Variants in KCNB2 observed in about 807,000 individuals in gnomAD.
KCNB2 encodes the protein potassium voltage-gated channel subfamily B member 2, also known as delayed rectifier potassium channel protein.
KCNB2 carries 15 observed loss-of-function variants against 61.5 expected under a neutral mutation model. That is an observed-to-expected ratio of 0.24 (90% CI 0.16 to 0.38). The LOEUF is 0.38. Among genes scored for constraint, KCNB2 ranks in the 10% least tolerant of loss-of-function variants. KCNB2 has a pLI of 1.00. For synonymous variants in KCNB2, 457 were observed against 446.0 expected (o/e 1.02, Z -0.31); for missense variants, 828 against 1,125.2 (o/e 0.74, Z 3.78).
intron 2 of KCNB2, among the ~76,000 whole-genome samples, chr8:72,699,354 G>C (rs1218894181): frequency 6.6e-6 from 1 of 152,034 alleles, no homozygotes; most frequent in Non-Finnish European, 1.5e-5. Context: ...GTGATGATGA[G>C]CTTTTTTTCA....
chr8:72,820,590 G>A (rs1380287914), intron 2 of KCNB2, among the ~76,000 whole-genome samples: 1 of 146,924 alleles, frequency 6.8e-6, no homozygotes, highest in Non-Finnish European at 1.5e-5. Context: ...TTTTTTTTTT[G>A]CTCTGTGACA....
intron 2 of KCNB2, among the ~76,000 whole-genome samples, chr8:72,630,066 GTATGCTGGAA>G (rs1194330319): frequency 1.3e-5 from 2 of 152,130 alleles, no homozygotes; most frequent in Non-Finnish European, 2.9e-5. Flanking sequence ...ATAACCAGTT[GTATGCTGGAA>G]TTGACTCACA....
intron 2 of KCNB2, among the ~76,000 whole-genome samples, chr8:72,609,241 C>T (rs55676924): frequency 0.028 from 4,209 of 152,290 alleles, 205 homozygotes; most frequent in African/African-American, 0.097. Flanking sequence ...CTCACACACA[C>T]ATGCACTCTC....
intron 2 of KCNB2, among the ~76,000 whole-genome samples, chr8:72,688,247 CG>C (rs1563559957): frequency 6.6e-6 from 1 of 152,138 alleles, no homozygotes; most frequent in Non-Finnish European, 1.5e-5. Flanking sequence ...TTAAAAAATC[CG>C]AGAGCCCTTT....
intron 2 of KCNB2, among the ~76,000 whole-genome samples, chr8:72,839,461 A>T (rs1053505608): frequency 6.6e-6 from 1 of 152,196 alleles, no homozygotes; most frequent in Non-Finnish European, 1.5e-5. Context: ...AGCAGAGTCT[A>T]ATAACGAAAC....
At chr8:72,662,103 A>G (rs185603044) in intron 2 of KCNB2, among the ~76,000 whole-genome samples, 3 of 152,272 alleles carry the variant, frequency 2.0e-5, no homozygotes, top group Admixed American at 1.3e-4. Context: ...TAAACTTCCA[A>G]TGATTAAACA....
intron 2 of KCNB2, among the ~76,000 whole-genome samples, chr8:72,694,064 A>G (rs908156465): frequency 6.6e-6 from 1 of 152,226 alleles, no homozygotes; most frequent in African/African-American, 2.4e-5. Flanking sequence ...GCATTTTAAT[A>G]TTATCTGCTG....
At chr8:72,641,813 A>G (rs1203598808) in intron 2 of KCNB2, among the ~76,000 whole-genome samples, 1 of 152,132 alleles carries the variant, frequency 6.6e-6, no homozygotes, top group Non-Finnish European at 1.5e-5. Flanking sequence ...GATCAATAAC[A>G]TACTGTATAT....
At chr8:72,702,804 T>C (rs1807155763) in intron 2 of KCNB2, among the ~76,000 whole-genome samples, 1 of 152,190 alleles carries the variant, frequency 6.6e-6, no homozygotes, top group South Asian at 2.1e-4. Flanking sequence ...GCTGCTATTA[T>C]ACCTTAGAAG....
chr8:72,846,935 G>A (rs1810005858), intron 2 of KCNB2, among the ~76,000 whole-genome samples: 1 of 152,140 alleles, frequency 6.6e-6, no homozygotes, highest in Non-Finnish European at 1.5e-5. Flanking sequence ...TATAAATCAT[G>A]CTGCTATAAA....
In KCNB2 at chr8:72,705,350, C is replaced by T. The variant is rs138320438; in HGVS notation, c.579+137037C>T. Among the ~76,000 whole-genome samples, 296 of 152,306 alleles carry T rather than the reference C, an allele frequency of 1.9e-3. 3 individuals carry two copies. The highest frequency in any genetic ancestry group is 6.6e-3 in the African/African-American group (276 of 41,570). ...AGTTATCTTGTCCTGATTTTACATG[C>T]AGGAACCATCTCCCATCCATTAACT... On this transcript the variant is annotated intron_variant, in intron 2 of 2. Coordinates refer to ENST00000523207, the MANE Select transcript of KCNB2 (RefSeq NM_004770.3).
intron 2 of KCNB2, among the ~76,000 whole-genome samples, chr8:72,901,434 G>A (rs995944982): frequency 9.2e-5 from 14 of 152,180 alleles, no homozygotes; most frequent in African/African-American, 3.1e-4. Context: ...AAAAAAGAAT[G>A]TATATAGATT....
intron 1 of KCNB2, among the ~76,000 whole-genome samples, chr8:72,545,743 G>T (rs1204124498): frequency 6.6e-6 from 1 of 152,170 alleles, no homozygotes; most frequent in Non-Finnish European, 1.5e-5. Context: ...AGTGAGGAAG[G>T]TATATTGAAA....
intron 2 of KCNB2, among the ~76,000 whole-genome samples, chr8:72,907,404 A>G (rs191672280): frequency 1.0e-3 from 152 of 152,184 alleles, no homozygotes; most frequent in Admixed American, 1.8e-3. Context: ...TCACACGCAC[A>G]CACAACTATT....
At chr8:72,613,021 C>A (rs574452694) in intron 2 of KCNB2, among the ~76,000 whole-genome samples, 1 of 152,240 alleles carries the variant, frequency 6.6e-6, no homozygotes, top group East Asian at 1.9e-4. Flanking sequence ...CACACACATG[C>A]ACACAATCTC....
intron 2 of KCNB2, among the ~76,000 whole-genome samples, chr8:72,735,665 G>A (rs1397718828): frequency 6.6e-6 from 1 of 152,134 alleles, no homozygotes; most frequent in Non-Finnish European, 1.5e-5. Context: ...AATTTTATTT[G>A]CTTAGTATAT....
intron 1 of KCNB2, among the ~76,000 whole-genome samples, chr8:72,539,759 A>G (rs1277138393): frequency 3.3e-5 from 5 of 152,172 alleles, no homozygotes; most frequent in Admixed American, 3.3e-4. Flanking sequence ...TTTGCATTTC[A>G]CTGTTCTCCA....
At chr8:72,843,073 A>C (rs895728999) in intron 2 of KCNB2, among the ~76,000 whole-genome samples, 8 of 152,062 alleles carry the variant, frequency 5.3e-5, no homozygotes, top group Non-Finnish European at 1.2e-4. Flanking sequence ...GTGGGCATTT[A>C]GTGCTGTAAA....
intron 2 of KCNB2, among the ~76,000 whole-genome samples, chr8:72,786,582 C>T (rs1416734394): frequency 6.6e-6 from 1 of 152,112 alleles, no homozygotes; most frequent in Non-Finnish European, 1.5e-5. Context: ...AGCTGGGGTT[C>T]AGCTCTGAGG....
Sources: allele counts gnomAD v4.1 joint callset (sites outside exome capture counted in the v4.1 genomes callset), GRCh38; gene constraint gnomAD v4.1.1; transcripts MANE v1.5; gene names NCBI Gene and HGNC (gene_info 2026-07-23, HGNC 2026-07-21).